The following FBXL17 variants were observed in gnomAD, a reference collection of about 807,000 sequenced individuals.
FBXL17 encodes the protein F-box and leucine rich repeat protein 17.
FBXL17 carries 22 observed loss-of-function variants against 66.2 expected under a neutral mutation model. The observed-to-expected ratio is 0.33, with a 90% confidence interval of 0.24 to 0.47. FBXL17 has a LOEUF of 0.47. Ranked by LOEUF, FBXL17 falls within the 20% of genes least tolerant of loss-of-function variation. The pLI, the probability that FBXL17 is intolerant of heterozygous loss-of-function variation, is 1.00. For synonymous variants in FBXL17, 474 were observed against 400.5 expected (o/e 1.18, Z -2.19); for missense variants, 878 against 948.2 (o/e 0.93, Z 0.97).
intron 5 of FBXL17, among the ~76,000 whole-genome samples, chr5:108,208,179 ATTTG>A (rs1235192911): frequency 9.9e-5 from 15 of 152,104 alleles, no homozygotes; most frequent in African/African-American, 3.4e-4. Flanking sequence ...TTTCTTGTAA[ATTTG>A]TTTAAGTTCT....
chr5:108,122,371 C>T (rs986477714), intron 6 of FBXL17, among the ~76,000 whole-genome samples: 2 of 152,144 alleles, frequency 1.3e-5, no homozygotes, highest in African/African-American at 4.8e-5. Flanking sequence ...ATGTTCTTAA[C>T]CACAGTACTA....
chr5:108,210,286 A>G (rs1373327266), intron 5 of FBXL17, among the ~76,000 whole-genome samples: 4 of 152,218 alleles, frequency 2.6e-5, no homozygotes, highest in South Asian at 4.2e-4. Flanking sequence ...GATTTTTTGA[A>G]GGTTTTTTCA....
chr5:108,098,744 C>CAGAAAAA (rs1426258412), intron 6 of FBXL17, among the ~76,000 whole-genome samples: 1 of 36,270 alleles, frequency 2.8e-5, no homozygotes, highest in African/African-American at 1.4e-4. Flanking sequence ...CACTCTGTCT[C>CAGAAAAA]ATAAAAAAAA....
intron 6 of FBXL17, among the ~76,000 whole-genome samples, chr5:108,156,886 A>T (rs1467909798): frequency 6.6e-6 from 1 of 151,980 alleles, no homozygotes; most frequent in Non-Finnish European, 1.5e-5. Context: ...AACAGACACC[A>T]GAAAAATTAA....
intron 6 of FBXL17, among the ~76,000 whole-genome samples, chr5:108,057,896 C>T (rs1231626645): frequency 6.6e-6 from 1 of 152,158 alleles, no homozygotes; most frequent in Non-Finnish European, 1.5e-5. Context: ...AATTACACAT[C>T]TGTTATTTCA....
At chr5:107,909,035 T>C (rs576284069) in intron 7 of FBXL17, among the ~76,000 whole-genome samples, 3 of 152,164 alleles carry the variant, frequency 2.0e-5, no homozygotes, top group South Asian at 2.1e-4. Context: ...GAACCTGTGA[T>C]AGTCTCATTT....
chr5:108,197,082 G>C lies in FBXL17; in HGVS notation c.1615-10835C>G, dbSNP rs530893512. Among the ~76,000 whole-genome samples the C allele has an allele frequency of 2.0e-5, 3 of 151,642 alleles. No individual in the cohort carries two copies. In the South Asian group the frequency reaches 6.3e-4, roughly 32 times the overall value. ...TCTGGCAGTCACACAGTCTCTAATT[G>C]AGTTTTTTTCCTAGGACTTTTCTTT... On this transcript the variant is annotated intron_variant, in intron 5 of 8. Coordinates refer to ENST00000542267, the MANE Select transcript of FBXL17 (RefSeq NM_001163315.3).
At chr5:107,997,704 G>A (rs150639385) in intron 7 of FBXL17, among the ~76,000 whole-genome samples, 66 of 152,202 alleles carry the variant, frequency 4.3e-4, no homozygotes, top group Non-Finnish European at 8.2e-4. Flanking sequence ...TTATAAACGC[G>A]ACTGAGGCTG....
chr5:108,121,822 G>A (rs576481152), intron 6 of FBXL17, among the ~76,000 whole-genome samples: 3 of 152,270 alleles, frequency 2.0e-5, no homozygotes, highest in Admixed American at 6.5e-5. Context: ...CTTCCAAAGC[G>A]CTGGGATTAC....
At chr5:107,875,083 TTTTC>T (rs562220875) in intron 8 of FBXL17, among the ~76,000 whole-genome samples, 69 of 151,832 alleles carry the variant, frequency 4.5e-4, no homozygotes, top group Middle Eastern at 3.4e-3. Context: ...GAATGTTTTC[TTTTC>T]TTTCTTTCTC....
At chr5:108,333,292 T>C (rs1266975340) in intron 4 of FBXL17, among the ~76,000 whole-genome samples, 1 of 151,860 alleles carries the variant, frequency 6.6e-6, no homozygotes, top group East Asian at 1.9e-4. Flanking sequence ...TATATTTACA[T>C]TTCCAAATAT....
intron 5 of FBXL17, among the ~76,000 whole-genome samples, chr5:108,218,821 A>G (rs1047714806): frequency 2.0e-5 from 3 of 152,048 alleles, no homozygotes; most frequent in Non-Finnish European, 4.4e-5. Context: ...TATATTTTGG[A>G]TAGTAGCTCC....
intron 2 of FBXL17, 49 bp from the exon 3 acceptor site, chr5:108,365,044 G>A (rs771907575): frequency 6.6e-6 from 9 of 1,369,192 alleles, no homozygotes; most frequent in East Asian, 4.8e-5. Flanking sequence ...AAATAAAAAC[G>A]TATTTTCCAT....
chr5:108,381,275 G>A lies in FBXL17; in HGVS notation c.417C>T (p.Ser139=), dbSNP rs1749887171. Residue 139 remains serine (S), a synonymous_variant, in exon 1 of 9, where the codon TCC becomes TCT. Coordinates refer to ENST00000542267, the MANE Select transcript of FBXL17 (RefSeq NM_001163315.3). The stretch of plus-strand genomic sequence containing the variant: ...CAGCCAGCCCCAACTCTTTGCAGCA[G>A]GAGGCGGGCGACGAAGCCGAGGCGG... ...AAAASASSPA[S]CCKELGLAAA... 1 of 1,420,862 alleles carries A rather than the reference G, an allele frequency of 7.0e-7. No individual in the cohort carries two copies. Among genetic ancestry groups the A allele is most frequent in the Non-Finnish European group, 9.2e-7 (1 of 1,091,074 alleles). 88.0% of individuals were successfully genotyped at this position (1,420,862 alleles called of 1,614,324 possible). A position where few individuals can be genotyped will look rare whatever the true frequency, so the allele number is the denominator to read the frequency against.
In FBXL17 at chr5:108,219,627, C is replaced by T. The variant is rs756692571; in HGVS notation, c.1614+4494G>A. On this transcript the variant is annotated intron_variant, in intron 5 of 8. Transcript: ENST00000542267. ...GCTTGAACCCGAGAGGTGGAGGTTG[C>T]AGTGAGCCAAGATCCCATTACACTC... 3.3e-5 allele frequency among the ~76,000 whole-genome samples: 5 copies of T among 151,974 alleles called. No individual in the cohort carries two copies. In the East Asian group the frequency reaches 9.6e-4, roughly 29 times the overall value.
chr5:108,309,476 C>T (rs1413427279), intron 4 of FBXL17, among the ~76,000 whole-genome samples: 1 of 151,776 alleles, frequency 6.6e-6, no homozygotes, highest in African/African-American at 2.4e-5. Context: ...AGGAAACAAT[C>T]AAGATGCCTA....
At chr5:108,069,621 CAG>C (rs1748253573) in intron 6 of FBXL17, among the ~76,000 whole-genome samples, 1 of 152,174 alleles carries the variant, frequency 6.6e-6, no homozygotes, top group Non-Finnish European at 1.5e-5. Context: ...CAGGAAACCA[CAG>C]AGGTAAACTT....
intron 7 of FBXL17, among the ~76,000 whole-genome samples, chr5:107,965,277 T>G (rs1334197827): frequency 6.6e-6 from 1 of 152,144 alleles, no homozygotes; most frequent in African/African-American, 2.4e-5. Context: ...AGAATGACTA[T>G]TCAAAAGCAG....
intron 6 of FBXL17, among the ~76,000 whole-genome samples, chr5:108,053,471 C>T: frequency 6.6e-6 from 1 of 151,890 alleles, no homozygotes. Context: ...CACTGCACTC[C>T]AACCTAGACA....
Sources: gnomAD v4.1 joint callset for allele counts (sites outside exome capture counted in the v4.1 genomes callset) on GRCh38, gnomAD v4.1.1 for gene constraint, MANE v1.5 for transcripts, NCBI Gene and HGNC (gene_info 2026-07-23, HGNC 2026-07-21) for gene names.